FHOD3: variants seen among roughly 807,000 people sequenced by gnomAD.
The protein encoded by FHOD3 is FH1/FH2 domain-containing protein 3.
Under a neutral mutation model 173.0 loss-of-function variants are expected in FHOD3, and 90 were observed. That is an observed-to-expected ratio of 0.52 (90% CI 0.44 to 0.62). FHOD3 has a LOEUF of 0.62. FHOD3 is among the 20% of genes least tolerant of loss of function. The probability of loss-of-function intolerance (pLI) is 0.00; values close to 1 mark genes in which losing one functional copy is unlikely to be tolerated. For missense variants in FHOD3, 1,945 were observed against 2,034.7 expected (o/e 0.96, Z 0.85); for synonymous variants, 828 against 823.0 (o/e 1.01, Z -0.10).
intron 3 of FHOD3, among the ~76,000 whole-genome samples, chr18:36,440,688 C>T (rs75429492): frequency 6.6e-6 from 1 of 152,196 alleles, no homozygotes; most frequent in Non-Finnish European, 1.5e-5. Flanking sequence ...AACCTAAGCA[C>T]CTTTATGGTA....
At chr18:36,367,781 G>A (rs2046969970) in intron 2 of FHOD3, among the ~76,000 whole-genome samples, 1 of 152,148 alleles carries the variant, frequency 6.6e-6, no homozygotes, top group Non-Finnish European at 1.5e-5. Flanking sequence ...TGATCGTCAG[G>A]TGTGGAGGGA....
At chr18:36,316,796 A>G (rs2044149916) in intron 1 of FHOD3, among the ~76,000 whole-genome samples, 2 of 152,066 alleles carry the variant, frequency 1.3e-5, no homozygotes, top group South Asian at 2.1e-4. Flanking sequence ...ATAGGTATAC[A>G]TGTGCCATGT....
chr18:36,425,037 G>A (rs1219324737), intron 3 of FHOD3, among the ~76,000 whole-genome samples: 1 of 152,150 alleles, frequency 6.6e-6, no homozygotes, highest in African/African-American at 2.4e-5. Context: ...GCCATAAAGT[G>A]CGTCCCCTAG....
At position 36,625,762 on chromosome 18, in the gene FHOD3, T is replaced by C. The variant is rs765763774; in HGVS notation, c.1196+13T>C. On this transcript the variant is annotated intron_variant, in intron 10 of 28. Transcript: ENST00000590592. ...ATCTGCGTGAAAAGTAAGCATTAAC[T>C]TGGCAGTGGAGAGGGGTGCAAGGAT... 3 of 1,588,886 alleles carry C rather than the reference T, an allele frequency of 1.9e-6. No individual in the cohort carries two copies. The highest frequency in any genetic ancestry group is 2.6e-6 in the Non-Finnish European group (3 of 1,162,782).
chr18:36,717,573 A>G (rs936892415), intron 18 of FHOD3, among the ~76,000 whole-genome samples: 22 of 152,036 alleles, frequency 1.4e-4, no homozygotes, highest in Admixed American at 6.5e-5. Context: ...AAGGAGGAAG[A>G]TTTCTCCCAT....
At chr18:36,705,551 A>G (rs575578772) in intron 17 of FHOD3, among the ~76,000 whole-genome samples, 1 of 152,260 alleles carries the variant, frequency 6.6e-6, no homozygotes, top group South Asian at 2.1e-4. Context: ...CCCTGTGCCC[A>G]CTGGTGGCAG....
At position 36,467,466 on chromosome 18, in the gene FHOD3, G is replaced by C. The variant is rs1172698214; in HGVS notation, c.338-34466G>C. 2.0e-5 allele frequency among the ~76,000 whole-genome samples: 3 copies of C among 152,010 alleles called. No homozygotes were observed. In the East Asian group the frequency reaches 5.8e-4, roughly 29 times the overall value. ...GTTACCCTAGAAGCTCTCCAGCTTG[G>C]GGTCCCCTTCTTCCCTTCCAGGGCA... On this transcript the variant is annotated intron_variant, in intron 3 of 28. Transcript: ENST00000590592.
intron 9 of FHOD3, among the ~76,000 whole-genome samples, chr18:36,622,249 A>G (rs2033772039): frequency 6.6e-6 from 1 of 152,218 alleles, no homozygotes; most frequent in Non-Finnish European, 1.5e-5. Context: ...TAAGTTATAG[A>G]TATGTGCTAT....
chr18:36,334,037 C>G (rs573413483), intron 1 of FHOD3, among the ~76,000 whole-genome samples: 35 of 152,306 alleles, frequency 2.3e-4, no homozygotes, highest in Admixed American at 5.2e-4. Flanking sequence ...TCCAGCAGGT[C>G]TGCTCAAGCT....
chr18:36,516,385 G>C (rs1025442102), intron 5 of FHOD3, among the ~76,000 whole-genome samples: 37 of 152,204 alleles, frequency 2.4e-4, no homozygotes, highest in African/African-American at 8.4e-4. Flanking sequence ...GAGGCAGACT[G>C]TGGGCAAACA....
intron 13 of FHOD3, among the ~76,000 whole-genome samples, chr18:36,656,759 T>G (rs1377435079): frequency 6.6e-6 from 1 of 152,188 alleles, no homozygotes; most frequent in African/African-American, 2.4e-5. Context: ...TGTTGTCACT[T>G]ATAAAATTGG....
chr18:36,767,138 T>C lies in FHOD3; in HGVS notation c.4625-2127T>C, dbSNP rs575584095. On this transcript the variant is annotated intron_variant, in intron 27 of 28. Coordinates refer to ENST00000590592, the MANE Select transcript of FHOD3 (RefSeq NM_001281740.3). ...TTCAGCAGCAATTTCAACAGTTTAT[T>C]TTTTAAAAGAGTCTATTTTTTAAAG... 2.6e-5 allele frequency among the ~76,000 whole-genome samples: 4 copies of C among 152,160 alleles called. No individual in the cohort carries two copies. The East Asian group carries it at 7.7e-4, about 29-fold the overall frequency.
At chr18:36,466,314 ATC>A (rs1253866304) in intron 3 of FHOD3, among the ~76,000 whole-genome samples, 1 of 152,174 alleles carries the variant, frequency 6.6e-6, no homozygotes, top group African/African-American at 2.4e-5. Flanking sequence ...TAAGACAGGT[ATC>A]TATACTGAGG....
At chr18:36,577,017 C>T (rs901907705) in intron 6 of FHOD3, among the ~76,000 whole-genome samples, 8 of 151,556 alleles carry the variant, frequency 5.3e-5, no homozygotes, top group Admixed American at 6.6e-5. Flanking sequence ...CACTTGAACC[C>T]GGGAGGCAGA....
intron 20 of FHOD3, among the ~76,000 whole-genome samples, chr18:36,738,233 A>G (rs1239776326): frequency 6.6e-6 from 1 of 152,256 alleles, no homozygotes; most frequent in African/African-American, 2.4e-5. Flanking sequence ...TCACTGCTCA[A>G]GAATATTTAG....
chr18:36,628,199 C>A (rs764872993), intron 10 of FHOD3, among the ~76,000 whole-genome samples: 17 of 152,206 alleles, frequency 1.1e-4, no homozygotes, highest in Non-Finnish European at 1.9e-4. Flanking sequence ...TCAGACAGGA[C>A]AGGTTTTATT....
chr18:36,439,925 G>A (rs573474379), intron 3 of FHOD3, among the ~76,000 whole-genome samples: 141 of 152,286 alleles, frequency 9.3e-4, no homozygotes, highest in African/African-American at 3.2e-3. Context: ...CCACAATGGT[G>A]AGGGGGCTCT....
chr18:36,371,754 A>T (rs1312627977), intron 2 of FHOD3, among the ~76,000 whole-genome samples: 3 of 152,098 alleles, frequency 2.0e-5, no homozygotes, highest in African/African-American at 7.3e-5. Context: ...ACAACCACAC[A>T]CCAGGAGGCA....
In FHOD3 at chr18:36,454,137, T is replaced by C. The variant is rs1393330663; in HGVS notation, c.338-47795T>C. On this transcript the variant is annotated intron_variant, in intron 3 of 28. Coordinates refer to ENST00000590592, the MANE Select transcript of FHOD3 (RefSeq NM_001281740.3). ...TAATGCTGAGATAAGCAGGCAGCTC[T>C]CACCTTTGGCCTTGGGACATTCCAG... Among the ~76,000 whole-genome samples, 3 of 152,302 alleles carry C rather than the reference T, an allele frequency of 2.0e-5. No individual in the cohort carries two copies. In the East Asian group the frequency reaches 5.8e-4, roughly 29 times the overall value.
Sources: gnomAD v4.1 joint callset for allele counts (sites outside exome capture counted in the v4.1 genomes callset) on GRCh38, gnomAD v4.1.1 for gene constraint, MANE v1.5 for transcripts, NCBI Gene and HGNC (gene_info 2026-07-23, HGNC 2026-07-21) for gene names.